GRB10: variants seen among roughly 807,000 people sequenced by gnomAD.
GRB10 encodes growth factor receptor-bound protein 10.
A neutral mutation model predicts 80.9 loss-of-function variants in GRB10; 20 were observed. That is an observed-to-expected ratio of 0.25 (90% CI 0.17 to 0.36). The LOEUF (loss-of-function observed/expected upper bound fraction) is 0.36. Among genes scored for constraint, GRB10 ranks in the 10% least tolerant of loss-of-function variants. The probability of loss-of-function intolerance (pLI) is 1.00; values close to 1 mark genes in which losing one functional copy is unlikely to be tolerated. For missense variants in GRB10, 548 were observed against 747.7 expected (o/e 0.73, Z 3.12); for synonymous variants, 291 against 291.5 (o/e 1.00, Z 0.02).
At chr7:50,672,683 G>A (rs74908477) in intron 6 of GRB10, among the ~76,000 whole-genome samples, 1 of 152,068 alleles carries the variant, frequency 6.6e-6, no homozygotes, top group African/African-American at 2.4e-5. Context: ...GAGGTTCAAG[G>A]GTCCTGGGCA....
At chr7:50,745,491 A>G (rs191392547) in intron 3 of GRB10, among the ~76,000 whole-genome samples, 1 of 152,336 alleles carries the variant, frequency 6.6e-6, no homozygotes, top group African/African-American at 2.4e-5. Flanking sequence ...AACAATTGCC[A>G]TGACAACACA....
At chr7:50,654,657 T>A (rs1027982079) in intron 7 of GRB10, among the ~76,000 whole-genome samples, 1 of 152,216 alleles carries the variant, frequency 6.6e-6, no homozygotes, top group South Asian at 2.1e-4. Flanking sequence ...ACAAAAAATG[T>A]GCAAAAAGCA....
intron 7 of GRB10, among the ~76,000 whole-genome samples, chr7:50,651,745 C>T (rs2058027190): frequency 6.6e-6 from 1 of 152,238 alleles, no homozygotes; most frequent in Non-Finnish European, 1.5e-5. Flanking sequence ...ATGTATTTGA[C>T]TCTCTTGAGT....
chr7:50,756,525 G>A (rs897832288), intron 2 of GRB10, among the ~76,000 whole-genome samples: 6 of 152,314 alleles, frequency 3.9e-5, no homozygotes, highest in East Asian at 3.9e-4. Context: ...CAGAGATTCC[G>A]CTGGGCACTC....
At chr7:50,751,207 C>T (rs2074052823) in intron 3 of GRB10, among the ~76,000 whole-genome samples, 1 of 152,148 alleles carries the variant, frequency 6.6e-6, no homozygotes, top group South Asian at 2.1e-4. Context: ...CCAAACCAGA[C>T]ACCCAAGACC....
chr7:50,775,434 T>G (rs778007319), intron 2 of GRB10, among the ~76,000 whole-genome samples: 1 of 152,138 alleles, frequency 6.6e-6, no homozygotes, highest in East Asian at 1.9e-4. Context: ...CTCTCACAGG[T>G]TGCAGTTGGG....
chr7:50,684,464 T>C (rs544796705), intron 5 of GRB10, among the ~76,000 whole-genome samples: 6 of 152,104 alleles, frequency 3.9e-5, no homozygotes, highest in East Asian at 1.9e-4. Flanking sequence ...TAGAAAAGCA[T>C]GTAAAGTTTC....
intron 3 of GRB10, among the ~76,000 whole-genome samples, chr7:50,749,130 G>GTTTTTTTTTTTTTTT (rs71018483): frequency 7.2e-6 from 1 of 139,544 alleles, no homozygotes; most frequent in Non-Finnish European, 1.5e-5. Context: ...TTGTTTTTTT[G>GTTTTTTTTTTTTTTT]TTTGTTTTTT....
At chr7:50,778,990 G>A (rs2077995127) in intron 2 of GRB10, 2 of 152,208 alleles carry the variant, frequency 1.3e-5, no homozygotes, top group Middle Eastern at 3.4e-3. Context: ...TGTCAAAGCA[G>A]GACACTGTAC....
intron 2 of GRB10, among the ~76,000 whole-genome samples, chr7:50,767,730 A>G (rs959324651): frequency 1.1e-4 from 16 of 152,172 alleles, no homozygotes; most frequent in African/African-American, 3.1e-4. Flanking sequence ...TATCTTTCTT[A>G]AATCAGACCC....
chr7:50,736,589 T>G (rs1337206088), intron 3 of GRB10, among the ~76,000 whole-genome samples: 1 of 152,048 alleles, frequency 6.6e-6, no homozygotes, highest in East Asian at 1.9e-4. Flanking sequence ...GCCCAGAAGT[T>G]TGAGAACAGC....
chr7:50,598,847 G>A (rs1387485413), intron 17 of GRB10, among the ~76,000 whole-genome samples: 1 of 152,180 alleles, frequency 6.6e-6, no homozygotes, highest in Non-Finnish European at 1.5e-5. Context: ...AACATGTGGA[G>A]GGGCATGAAG....
In GRB10 at chr7:50,701,056, T is replaced by G. The variant is rs368114439; in HGVS notation, c.139+2765A>C. On this transcript the variant is annotated intron_variant, in intron 5 of 18. Coordinates refer to ENST00000401949, the MANE Select transcript of GRB10 (RefSeq NM_001350814.2). ...ATCTTTTTTCTCTTCACATCTTGTT[T>G]TTTCTTCCGTTTTCTACTTGATGTT... Among the ~76,000 whole-genome samples the G allele has an allele frequency of 5.9e-5, 9 of 152,338 alleles. No individual in the cohort carries two copies. In the East Asian group the frequency reaches 9.6e-4, roughly 16 times the overall value.
At chr7:50,672,184 T>C (rs2060434318) in intron 6 of GRB10, among the ~76,000 whole-genome samples, 1 of 152,130 alleles carries the variant, frequency 6.6e-6, no homozygotes, top group African/African-American at 2.4e-5. Flanking sequence ...TCCCTTCGGG[T>C]TGCATGGCAG....
chr7:50,718,840 T>C (rs1361197693), intron 4 of GRB10, among the ~76,000 whole-genome samples: 2 of 152,070 alleles, frequency 1.3e-5, no homozygotes, highest in African/African-American at 4.8e-5. Context: ...TACTGTCCAA[T>C]GTCTAAGCTT....
intron 16 of GRB10, 30 bp from the exon 17 acceptor site, chr7:50,604,115 A>G (rs760363700): frequency 1.3e-6 from 2 of 1,571,090 alleles, no homozygotes; most frequent in Admixed American, 3.3e-5. Flanking sequence ...GGAGGGTAGG[A>G]TGGTGGTGCC....
At chr7:50,675,921 C>T (rs1033309825) in intron 5 of GRB10, among the ~76,000 whole-genome samples, 18 of 152,240 alleles carry the variant, frequency 1.2e-4, no homozygotes, top group Admixed American at 2.0e-4. Flanking sequence ...ATTGGTAAAA[C>T]ATTCTTGCAT....
intron 7 of GRB10, among the ~76,000 whole-genome samples, chr7:50,641,190 A>C (rs927520329): frequency 2.7e-5 from 4 of 150,502 alleles, no homozygotes; most frequent in African/African-American, 9.9e-5. Context: ...TGCACTGTCC[A>C]CCTGTTCGTC....
chr7:50,606,223 C>A (rs1025196406), intron 14 of GRB10, 114 bp downstream of exon 14: 2 of 885,264 alleles, frequency 2.3e-6, no homozygotes, highest in African/African-American at 1.6e-5. Flanking sequence ...CTGAAATGCA[C>A]ACACACTCTC....
Sources: gnomAD v4.1 joint callset for allele counts (sites outside exome capture counted in the v4.1 genomes callset) on GRCh38, gnomAD v4.1.1 for gene constraint, MANE v1.5 for transcripts, NCBI Gene and HGNC (gene_info 2026-07-23, HGNC 2026-07-21) for gene names.